The following RREB1 variants were observed in gnomAD, a reference collection of about 807,000 sequenced individuals.
RREB1 encodes ras responsive element binding protein 1.
In RREB1, 27 loss-of-function variants were observed where a neutral mutation model predicts 117.8. The observed-to-expected ratio is 0.23, with a 90% CI of 0.17 to 0.32. The LOEUF is 0.32. RREB1 is among the 10% of genes least tolerant of loss of function. RREB1 has a pLI of 1.00. For synonymous variants in RREB1, 1,298 were observed against 1,026.7 expected (o/e 1.26, Z -5.05); for missense variants, 2,577 against 2,378.2 (o/e 1.08, Z -1.74).
At chr6:7,140,016 G>A (rs892404862) in intron 1 of RREB1, among the ~76,000 whole-genome samples, 1 of 152,234 alleles carries the variant, frequency 6.6e-6, no homozygotes, top group Non-Finnish European at 1.5e-5. Context: ...TTAGCAAAGA[G>A]AGTGTACTGC....
intron 1 of RREB1, among the ~76,000 whole-genome samples, chr6:7,151,355 C>T (rs1213292974): frequency 6.6e-6 from 1 of 152,120 alleles, no homozygotes; most frequent in African/African-American, 2.4e-5. Context: ...TCCAGGATTT[C>T]AAGATTTCAA....
chr6:7,176,454 C>T (rs556547263), intron 1 of RREB1, among the ~76,000 whole-genome samples: 3 of 152,126 alleles, frequency 2.0e-5, no homozygotes, highest in Admixed American at 6.5e-5. Context: ...GTTCAAGGCA[C>T]ACTCAGTTCC....
At chr6:7,137,707 T>A (rs1762401769) in intron 1 of RREB1, among the ~76,000 whole-genome samples, 1 of 151,576 alleles carries the variant, frequency 6.6e-6, no homozygotes, top group Non-Finnish European at 1.5e-5. Flanking sequence ...CTCCAGCACG[T>A]GAGAGTCGTG....
rs563771095 is a variant in RREB1, at chr6:7,232,375, G to A, written c.3808+468G>A. Among the ~76,000 whole-genome samples, 14 of 152,294 alleles carry A rather than the reference G, an allele frequency of 9.2e-5. No individual in the cohort carries two copies. The South Asian group carries it at 2.9e-3, about 32-fold the overall frequency. On this transcript the variant is annotated intron_variant, in intron 10 of 12. Transcript: ENST00000379938. ...TTTTAAATTTTGACAATTTTGTGAA[G>A]TTTTTTTGGATGCCATGTCTTCTTA...
At chr6:7,142,585 TC>T (rs2113392280) in intron 1 of RREB1, among the ~76,000 whole-genome samples, 1 of 152,338 alleles carries the variant, frequency 6.6e-6, no homozygotes, top group South Asian at 2.1e-4. Flanking sequence ...CTGAGACAGT[TC>T]GTGGGGTCAG....
At chr6:7,245,892 AGT>A (rs1430706178) in intron 11 of RREB1, among the ~76,000 whole-genome samples, 6 of 152,312 alleles carry the variant, frequency 3.9e-5, no homozygotes, top group South Asian at 2.1e-4. Flanking sequence ...GTCAGGCAAG[AGT>A]GTGCATACCA....
intron 2 of RREB1, among the ~76,000 whole-genome samples, chr6:7,179,424 G>A (rs550390629): frequency 6.6e-6 from 1 of 152,204 alleles, no homozygotes; most frequent in East Asian, 1.9e-4. Flanking sequence ...TGTAGTAATA[G>A]GACAAAAGCA....
chr6:7,233,415 T>G (rs1768120417), intron 10 of RREB1, among the ~76,000 whole-genome samples: 1 of 152,270 alleles, frequency 6.6e-6, no homozygotes, highest in Non-Finnish European at 1.5e-5. Context: ...AGTGAGATCC[T>G]ATCTTTTTGG....
rs766172152 is a variant in RREB1 at position 7,246,508 on chromosome 6, G to A, written c.4058G>A (p.Gly1353Asp). Residue 1353 changes from glycine (G) to aspartate (D), a missense_variant, in exon 12 of 13, where the codon GGC (glycine) becomes GAC (aspartate). Physicochemically the swap from Gly to Asp is moderately conservative, Grantham distance 94. Transcript: ENST00000379938. The stretch of plus-strand genomic sequence containing the variant: ...CGGGACAGAGAGCAGCCGTCGGAGG[G>A]CGCCACTGAGCTCCGCCAGGTCGCA... ...TSRDREQPSE[G>D]ATELRQVAGD... The A allele has an allele frequency of 6.5e-7, 1 of 1,545,766 alleles. No individual in the cohort carries two copies. Among genetic ancestry groups the A allele is most frequent in the Non-Finnish European group, 8.7e-7 (1 of 1,145,458 alleles).
chr6:7,186,159 T>A (rs1224063538), intron 4 of RREB1, among the ~76,000 whole-genome samples: 1 of 152,294 alleles, frequency 6.6e-6, no homozygotes, highest in South Asian at 2.1e-4. Flanking sequence ...CTAGGGACGG[T>A]GCCCTCCATC....
At chr6:7,175,216 C>T (rs1323340504) in intron 1 of RREB1, among the ~76,000 whole-genome samples, 2 of 152,026 alleles carry the variant, frequency 1.3e-5, no homozygotes, top group African/African-American at 4.8e-5. Context: ...ATAAAATGGG[C>T]TTGATTCATA....
intron 1 of RREB1, among the ~76,000 whole-genome samples, chr6:7,156,768 A>G (rs975447873): frequency 2.6e-5 from 4 of 152,202 alleles, no homozygotes; most frequent in African/African-American, 9.7e-5. Flanking sequence ...TTGAAATAAG[A>G]CAATCTTAGT....
rs1302071653 is a variant in RREB1, at chr6:7,231,986, A to T, written c.3808+79A>T. On this transcript the variant is annotated intron_variant, in intron 10 of 12. Transcript: ENST00000379938. Reference sequence around the variant, plus strand: ...GCCACGAGTGGGGGTCAAAAGCGAGACCCATCTCCCACAGTTCCAGTTATT... The same window carrying T: ...GCCACGAGTGGGGGTCAAAAGCGAGTCCCATCTCCCACAGTTCCAGTTATT... The T allele has an allele frequency of 2.2e-6, 3 of 1,380,020 alleles. No individual in the cohort carries two copies. The Admixed American group carries it at 6.7e-5, about 31-fold the overall frequency. 85.5% of individuals were successfully genotyped at this position (1,380,020 alleles called of 1,614,324 possible).
intron 11 of RREB1, among the ~76,000 whole-genome samples, chr6:7,245,832 A>G (rs140948602): frequency 6.6e-6 from 1 of 152,314 alleles, no homozygotes; most frequent in East Asian, 1.9e-4. Context: ...GAAGCCTACA[A>G]GCTTGCCTGC....
At chr6:7,211,451 G>T in intron 7 of RREB1, 122 bp from the exon 8 acceptor site, 1 of 845,554 alleles carries the variant, frequency 1.2e-6, no homozygotes, top group Non-Finnish European at 1.9e-6. Flanking sequence ...TAATAATCAG[G>T]ATTGGATAAT....
chr6:7,116,504 G>A (rs1471871482), intron 1 of RREB1, among the ~76,000 whole-genome samples: 1 of 152,132 alleles, frequency 6.6e-6, no homozygotes, highest in African/African-American at 2.4e-5. Flanking sequence ...CCCATCTCCT[G>A]CACCTAGAAC....
intron 4 of RREB1, 104 bp downstream of exon 4, chr6:7,182,186 T>C: frequency 9.1e-7 from 1 of 1,094,554 alleles, no homozygotes; most frequent in Non-Finnish European, 1.3e-6. Context: ...GAATTGGGAA[T>C]AAAACGGACA....
chr6:7,119,349 CA>C (rs946902006), intron 1 of RREB1, among the ~76,000 whole-genome samples: 7 of 150,044 alleles, frequency 4.7e-5, no homozygotes, highest in Non-Finnish European at 8.9e-5. Flanking sequence ...GACTCCATCT[CA>C]AAAAAAAAGA....
intron 1 of RREB1, among the ~76,000 whole-genome samples, chr6:7,130,697 A>G (rs1273932210): frequency 6.6e-6 from 1 of 150,622 alleles, no homozygotes; most frequent in Non-Finnish European, 1.5e-5. Flanking sequence ...GCTCACTGCA[A>G]CCTCTGCCTC....
Sources: gnomAD v4.1 joint callset for allele counts (sites outside exome capture counted in the v4.1 genomes callset) on GRCh38, gnomAD v4.1.1 for gene constraint, MANE v1.5 for transcripts, NCBI Gene and HGNC (gene_info 2026-07-23, HGNC 2026-07-21) for gene names.